The following CNTNAP2 variants were observed in gnomAD, a reference collection of about 807,000 sequenced individuals.
The protein encoded by CNTNAP2 is contactin-associated protein-like 2.
In CNTNAP2, 98 loss-of-function variants were observed where a neutral mutation model predicts 155.2. The ratio of observed to expected loss-of-function variants is 0.63; its 90% CI spans 0.54 to 0.75. The LOEUF (loss-of-function observed/expected upper bound fraction) is 0.75. Ranked by LOEUF, CNTNAP2 falls within the 30% of genes least tolerant of loss-of-function variation. CNTNAP2 has a pLI of 0.00. For synonymous variants in CNTNAP2, 651 were observed against 631.2 expected, an observed-to-expected ratio of 1.03 and a Z score of -0.47; for missense variants, 1,727 against 1,688.1, an observed-to-expected ratio of 1.02 and a Z score of -0.40.
At chr7:147,376,660 G>A (rs530387430) in intron 9 of CNTNAP2, among the ~76,000 whole-genome samples, 2 of 151,682 alleles carry the variant, frequency 1.3e-5, no homozygotes, top group Non-Finnish European at 2.9e-5. Flanking sequence ...ATAATTTCAC[G>A]TGTATTTACT....
intron 20 of CNTNAP2, among the ~76,000 whole-genome samples, chr7:148,231,142 AC>A (rs1165566802): frequency 1.3e-5 from 2 of 152,160 alleles, no homozygotes; most frequent in Non-Finnish European, 2.9e-5. Context: ...AACAGCAGAG[AC>A]CCACCACAGC....
intron 13 of CNTNAP2, among the ~76,000 whole-genome samples, chr7:147,776,842 A>G (rs1797592431): frequency 1.3e-5 from 2 of 150,788 alleles, no homozygotes; most frequent in African/African-American, 4.9e-5. Flanking sequence ...TTCTTTAATG[A>G]GTCCTTCCTA....
intron 1 of CNTNAP2, among the ~76,000 whole-genome samples, chr7:146,672,455 C>T (rs148637170): frequency 6.6e-6 from 1 of 152,152 alleles, no homozygotes; most frequent in Non-Finnish European, 1.5e-5. Flanking sequence ...CATTCAGTGC[C>T]ATCTCTGCAT....
At chr7:146,285,976 C>CCTTCCT (rs1425983254) in intron 1 of CNTNAP2, among the ~76,000 whole-genome samples, 10 of 50,276 alleles carry the variant, frequency 2.0e-4, no homozygotes, top group African/African-American at 1.4e-3. Context: ...TTCCTTCCTT[C>CCTTCCT]TCTGTGTGTG....
chr7:147,576,804 T>A (rs1584826192), intron 12 of CNTNAP2, among the ~76,000 whole-genome samples: 2 of 57,694 alleles, frequency 3.5e-5, no homozygotes, highest in South Asian at 5.4e-4. Context: ...AACTTATACG[T>A]TTGGGGTAGT....
At chr7:148,407,188 C>T (rs1042194051) in intron 22 of CNTNAP2, among the ~76,000 whole-genome samples, 2 of 151,774 alleles carry the variant, frequency 1.3e-5, no homozygotes, top group African/African-American at 4.8e-5. Flanking sequence ...TTTATTCCCA[C>T]GGGATAATTT....
At chr7:146,768,617 G>A (rs71530759) in intron 1 of CNTNAP2, among the ~76,000 whole-genome samples, 16,251 of 151,752 alleles carry the variant, frequency 0.11, 1,035 homozygotes, top group African/African-American at 0.18. Flanking sequence ...GAATGTACAC[G>A]TAAGACCACA....
At chr7:146,928,131 A>C (rs1201286604) in intron 3 of CNTNAP2, among the ~76,000 whole-genome samples, 1 of 152,036 alleles carries the variant, frequency 6.6e-6, no homozygotes, top group Non-Finnish European at 1.5e-5. Context: ...GGCTAAACAA[A>C]AGTCATAGAT....
chr7:147,244,999 G>T (rs1804023982), intron 8 of CNTNAP2, among the ~76,000 whole-genome samples: 1 of 151,994 alleles, frequency 6.6e-6, no homozygotes, highest in African/African-American at 2.4e-5. Context: ...GCCACAAAAG[G>T]CACTGAAAAC....
At chr7:147,683,422 T>C (rs960344619) in intron 13 of CNTNAP2, among the ~76,000 whole-genome samples, 12 of 151,866 alleles carry the variant, frequency 7.9e-5, no homozygotes, top group African/African-American at 2.9e-4. Context: ...ATAAGTTTTG[T>C]GGGCATTTAT....
chr7:146,478,562 C>T (rs1013344416), intron 1 of CNTNAP2, among the ~76,000 whole-genome samples: 5 of 151,568 alleles, frequency 3.3e-5, no homozygotes, highest in African/African-American at 7.3e-5. Context: ...TTAAATTCTC[C>T]GCACCATTGA....
rs188951939 is a variant in CNTNAP2, at chr7:147,547,208, A to G, written c.1778-14930A>G. 5.4e-4 allele frequency among the ~76,000 whole-genome samples: 83 copies of G among 152,336 alleles called. 1 individual carries two copies. The highest frequency in any genetic ancestry group is 2.2e-3 in the Admixed American group (33 of 15,302). ...ATACAAAAGATTGGCAGAATAAGTG[A>G]TAATCCCTGTATTACAGCTGAATCC... On this transcript the variant is annotated intron_variant, in intron 11 of 23. Transcript: ENST00000361727.
intron 1 of CNTNAP2, among the ~76,000 whole-genome samples, chr7:146,680,955 A>G (rs1320785085): frequency 1.3e-5 from 2 of 152,168 alleles, no homozygotes; most frequent in Admixed American, 1.3e-4. Flanking sequence ...ACTTCCTATC[A>G]AAGCTGATGA....
Position 147,058,900 on chromosome 7 carries a change from C to T in CNTNAP2, c.550+14846C>T, listed in dbSNP as rs562516853. Among the ~76,000 whole-genome samples the T allele has an allele frequency of 7.2e-5, 11 of 152,296 alleles. 1 individual carries two copies. Among genetic ancestry groups the T allele is most frequent in the Admixed American group, 2.6e-4 (4 of 15,300 alleles). ...GATTACAGGCATGAGCCACCATTCC[C>T]GTCCCTCAAAGGGCTCTTTTCCTAC... is the stretch of plus-strand genomic sequence containing the variant. On this transcript the variant is annotated intron_variant, in intron 4 of 23. Coordinates refer to ENST00000361727, the MANE Select transcript of CNTNAP2 (RefSeq NM_014141.6).
chr7:148,198,628 A>G (rs1234371099), intron 18 of CNTNAP2, among the ~76,000 whole-genome samples: 1 of 152,172 alleles, frequency 6.6e-6, no homozygotes, highest in Non-Finnish European at 1.5e-5. Flanking sequence ...GTTCTTCTAG[A>G]TACTCCCTGG....
At chr7:146,673,334 A>G (rs1800341481) in intron 1 of CNTNAP2, among the ~76,000 whole-genome samples, 1 of 152,150 alleles carries the variant, frequency 6.6e-6, no homozygotes, top group Non-Finnish European at 1.5e-5. Flanking sequence ...TTCACTCATA[A>G]TATGTCATAC....
At chr7:146,368,298 C>G (rs1487376973) in intron 1 of CNTNAP2, among the ~76,000 whole-genome samples, 4 of 152,076 alleles carry the variant, frequency 2.6e-5, no homozygotes, top group Admixed American at 2.6e-4. Flanking sequence ...TTCACACACA[C>G]AGACATAAAC....
chr7:146,469,548 A>C (rs147988175), intron 1 of CNTNAP2, among the ~76,000 whole-genome samples: 2,971 of 141,476 alleles, frequency 0.021, 69 homozygotes, highest in African/African-American at 0.053. Flanking sequence ...TTTAAGATGG[A>C]ATCTTGCTCT....
intron 13 of CNTNAP2, among the ~76,000 whole-genome samples, chr7:147,821,531 A>G (rs1798360334): frequency 6.6e-6 from 1 of 152,216 alleles, no homozygotes; most frequent in African/African-American, 2.4e-5. Context: ...TATAAATAAC[A>G]TAAACATGAC....
Sources: allele counts gnomAD v4.1 joint callset (sites outside exome capture counted in the v4.1 genomes callset), GRCh38; gene constraint gnomAD v4.1.1; transcripts MANE v1.5; gene names NCBI Gene and HGNC (gene_info 2026-07-23, HGNC 2026-07-21).